The following KATNIP variants were observed in gnomAD, a reference collection of about 807,000 sequenced individuals.
KATNIP encodes katanin-interacting protein.
A neutral mutation model predicts 174.0 loss-of-function variants in KATNIP; 126 were observed. That is an observed-to-expected ratio of 0.72 (90% CI 0.63 to 0.84). KATNIP has a LOEUF of 0.84. Ranked by LOEUF, KATNIP falls within the 40% of genes least tolerant of loss-of-function variation. The probability of loss-of-function intolerance (pLI) is 0.00; values close to 1 mark genes in which losing one functional copy is unlikely to be tolerated. For synonymous variants in KATNIP, 810 were observed against 835.7 expected, an observed-to-expected ratio of 0.97 and a Z score of 0.53; for missense variants, 1,958 against 2,109.7, an observed-to-expected ratio of 0.93 and a Z score of 1.41.
At chr16:27,589,661 T>C (rs1376672733) in intron 2 of KATNIP, among the ~76,000 whole-genome samples, 1 of 152,238 alleles carries the variant, frequency 6.6e-6, no homozygotes, top group Non-Finnish European at 1.5e-5. Context: ...GCCAGTCCTC[T>C]TTGTCTTTAT....
intron 8 of KATNIP, among the ~76,000 whole-genome samples, 191 bp from the exon 9 acceptor site, chr16:27,698,137 A>T (rs2078978822): frequency 6.6e-6 from 1 of 152,114 alleles, no homozygotes; most frequent in Non-Finnish European, 1.5e-5. Context: ...CAGGGCCACC[A>T]CTGCATTCAG....
intron 3 of KATNIP, 185 bp from the exon 4 acceptor site, chr16:27,628,476 G>A (rs1411392678): frequency 1.3e-5 from 8 of 605,120 alleles, no homozygotes; most frequent in East Asian, 1.2e-4. Flanking sequence ...TCTGCCCCTC[G>A]TGGCTTCTCT....
rs928308805 is a variant in KATNIP at position 27,654,877 on chromosome 16, C to G, written c.540+6142C>G. 5 of 665,428 alleles carry G rather than the reference C, an allele frequency of 7.5e-6. No homozygotes were observed. In the African/African-American group the frequency reaches 9.4e-5, roughly 13 times the overall value. 41.2% of individuals were successfully genotyped at this position (665,428 alleles called of 1,614,324 possible). A position where few individuals can be genotyped will look rare whatever the true frequency, so the allele number is the denominator to read the frequency against. ...GGGCACGGTGGCTTATACCTGTAAT[C>G]CCAGCACTTTGGGAGGCTGAGGCAG... On this transcript the variant is annotated intron_variant, in intron 6 of 27. Coordinates refer to ENST00000261588, the MANE Select transcript of KATNIP (RefSeq NM_015202.5).
chr16:27,607,002 C>T (rs2075729546), intron 2 of KATNIP, among the ~76,000 whole-genome samples: 1 of 152,110 alleles, frequency 6.6e-6, no homozygotes, highest in Non-Finnish European at 1.5e-5. Context: ...GCTCATATCA[C>T]TAGTAATTGT....
At chr16:27,698,230 T>G in intron 8 of KATNIP, 98 bp from the exon 9 acceptor site, 1 of 1,270,220 alleles carries the variant, frequency 7.9e-7, no homozygotes, top group Non-Finnish European at 1.1e-6. Context: ...TATGGGCCAG[T>G]TGTTTTATAG....
chr16:27,653,745 A>C (rs577200999), intron 6 of KATNIP, among the ~76,000 whole-genome samples: 2 of 149,190 alleles, frequency 1.3e-5, no homozygotes, highest in African/African-American at 5.0e-5. Context: ...TGCAACCTCT[A>C]CCTCCCAGGA....
At chr16:27,571,986 G>GT (rs1208938002) in intron 1 of KATNIP, among the ~76,000 whole-genome samples, 1 of 151,964 alleles carries the variant, frequency 6.6e-6, no homozygotes, top group African/African-American at 2.4e-5. Context: ...TAAATCCTGG[G>GT]GGTGTGTGTG....
At chr16:27,693,395 T>C (rs896985651) in intron 8 of KATNIP, among the ~76,000 whole-genome samples, 1 of 152,118 alleles carries the variant, frequency 6.6e-6, no homozygotes, top group Non-Finnish European at 1.5e-5. Context: ...ATTTTTTCTT[T>C]TCTTTTTTTT....
intron 19 of KATNIP, among the ~76,000 whole-genome samples, chr16:27,762,819 C>G (rs2144055261): frequency 6.6e-6 from 1 of 152,326 alleles, no homozygotes; most frequent in South Asian, 2.1e-4. Flanking sequence ...GGCTTGGAGC[C>G]TGGAGACCTG....
At chr16:27,632,292 AAC>A (rs1198853518) in intron 5 of KATNIP, among the ~76,000 whole-genome samples, 11 of 152,218 alleles carry the variant, frequency 7.2e-5, no homozygotes, top group Admixed American at 7.2e-4. Context: ...CAGGCTAGGA[AAC>A]ACAGCCTCAG....
intron 2 of KATNIP, among the ~76,000 whole-genome samples, chr16:27,614,774 A>T (rs1056582647): frequency 6.6e-6 from 1 of 152,100 alleles, no homozygotes; most frequent in Non-Finnish European, 1.5e-5. Context: ...CCTGTTCCTG[A>T]GTGGGTCTAG....
intron 2 of KATNIP, among the ~76,000 whole-genome samples, chr16:27,575,530 G>A (rs528805048): frequency 6.6e-6 from 1 of 152,312 alleles, no homozygotes; most frequent in African/African-American, 2.4e-5. Context: ...ACTTTTGATT[G>A]TAAAGTGTCA....
Position 27,713,842 on chromosome 16 carries a change from ATATATATATATATATC to A in KATNIP, c.1605+4926_1605+4941del, listed in dbSNP as rs1370785588. Among the ~76,000 whole-genome samples the A allele has an allele frequency of 8.5e-3, 607 of 71,026 alleles. 21 individuals are homozygous for A. The highest frequency in any genetic ancestry group is 0.012 in the Non-Finnish European group (445 of 35,998). The allele number at this position is 71,026 out of a possible 152,430, so 46.6% of individuals were successfully genotyped here. On this transcript the variant is annotated intron_variant, in intron 13 of 27. Coordinates refer to ENST00000261588, the MANE Select transcript of KATNIP (RefSeq NM_015202.5). ...TATATATATATATATATATATATAT[ATATATATATATATATC>A]TATCTCAGATTGTGCCCTTCCCCTA...
At chr16:27,771,013 G>T (rs188848748) in intron 21 of KATNIP, among the ~76,000 whole-genome samples, 3 of 152,200 alleles carry the variant, frequency 2.0e-5, no homozygotes, top group Admixed American at 6.5e-5. Flanking sequence ...TGCGTGGAAG[G>T]TTCAGCTCTG....
Position 27,637,305 on chromosome 16 carries a change from A to T in KATNIP, c.408+6143A>T, listed in dbSNP as rs58059413. Among the ~76,000 whole-genome samples the T allele has an allele frequency of 0.018, 2,798 of 152,274 alleles. 66 individuals are homozygous for T. Among genetic ancestry groups the T allele is most frequent in the East Asian group, 0.09 (466 of 5,168 alleles). On this transcript the variant is annotated intron_variant, in intron 5 of 27. Transcript: ENST00000261588. This position sits in a 1 kb window ranked among gnomAD's most constrained non-coding sequence, Gnocchi z 4.7. Reference sequence around the variant, plus strand: ...CATTCCGTGCTCATGTATTGAGCACATACTCAGTTTTGGCACTTACAGATG... The same window carrying T: ...CATTCCGTGCTCATGTATTGAGCACTTACTCAGTTTTGGCACTTACAGATG...
chr16:27,616,272 T>G (rs552232266), intron 2 of KATNIP, among the ~76,000 whole-genome samples: 2 of 152,206 alleles, frequency 1.3e-5, no homozygotes, highest in South Asian at 4.1e-4. Flanking sequence ...CTCAGGAGGC[T>G]GAGGCAGGAG....
chr16:27,594,506 G>C (rs1474722315), intron 2 of KATNIP, among the ~76,000 whole-genome samples: 3 of 151,966 alleles, frequency 2.0e-5, no homozygotes, highest in Non-Finnish European at 2.9e-5. Flanking sequence ...TTGGTGACTT[G>C]AAAGTCACCT....
Position 27,657,693 on chromosome 16 carries a change from C to T in KATNIP, c.540+8958C>T, listed in dbSNP as rs547907539. ...TTGGGAGGCCGAGGTGGGTGGATCA[C>T]GAGGTCAAGAGTTCAAGACCAGTCT... On this transcript the variant is annotated intron_variant, in intron 6 of 27. Transcript: ENST00000261588. 5.3e-5 allele frequency among the ~76,000 whole-genome samples: 8 copies of T among 152,198 alleles called. No individual in the cohort carries two copies. The South Asian group carries it at 6.2e-4, about 12-fold the overall frequency.
intron 1 of KATNIP, among the ~76,000 whole-genome samples, chr16:27,552,588 T>G (rs570153487): frequency 3.3e-5 from 5 of 151,598 alleles, no homozygotes; most frequent in Non-Finnish European, 7.4e-5. Context: ...GTTGGCCAGC[T>G]GGTCGCAAAC....
Sources: allele counts gnomAD v4.1 joint callset (sites outside exome capture counted in the v4.1 genomes callset), GRCh38; gene constraint gnomAD v4.1.1; non-coding constraint Gnocchi (gnomAD v3.1); transcripts MANE v1.5; gene names NCBI Gene and HGNC (gene_info 2026-07-23, HGNC 2026-07-21).